SMCO4: variants seen among roughly 807,000 people sequenced by gnomAD.
SMCO4 encodes the protein single-pass membrane protein with coiled-coil domains 4, also known as single-pass membrane and coiled-coil domain-containing protein 4.
SMCO4 carries 4 observed loss-of-function variants against 3.6 expected under a neutral mutation model. That is an observed-to-expected ratio of 1.11 (90% CI 0.54 to 2.53). The LOEUF (loss-of-function observed/expected upper bound fraction) is 2.53. Ranked by LOEUF, SMCO4 falls within the 30% of genes most tolerant of loss-of-function variation. The pLI is 0.02. For synonymous variants in SMCO4, 36 were observed against 35.3 expected (o/e 1.02, Z -0.07); for missense variants, 70 against 80.8 (o/e 0.87, Z 0.51).
rs1948553456 is a variant in SMCO4, at chr11:93,478,939, C to G, written c.*71G>C. The G allele has an allele frequency of 6.6e-7, 1 of 1,521,426 alleles. No homozygotes were observed. Among genetic ancestry groups the G allele is most frequent in the African/African-American group, 1.4e-5 (1 of 72,886 alleles). The allele number at this position is 1,521,426 out of a possible 1,614,324, so 94.2% of individuals were successfully genotyped here. A position where few individuals can be genotyped will look rare whatever the true frequency, so the allele number is the denominator to read the frequency against. On this transcript the variant is annotated 3_prime_UTR_variant, in exon 3 of 3. Transcript: ENST00000298966. ...ACATGAACATCTCTGAATATGAAAG[C>G]CATTTTTTGTTTGCGTCCCCCTCCC...
upstream of SMCO4, among the ~76,000 whole-genome samples, chr11:93,545,968 TGCA>T (rs777676436): frequency 5.3e-5 from 8 of 152,226 alleles, no homozygotes; most frequent in Non-Finnish European, 7.3e-5. Flanking sequence ...GTCCCAGCTA[TGCA>T]GCCCACCAGC....
intron 2 of SMCO4, among the ~76,000 whole-genome samples, chr11:93,487,877 T>C (rs1948669306): frequency 6.6e-6 from 1 of 152,092 alleles, no homozygotes. Context: ...AATTACTATG[T>C]TGTCAAACAA....
intron 2 of SMCO4, among the ~76,000 whole-genome samples, chr11:93,482,580 T>C (rs1237850978): frequency 6.6e-6 from 1 of 152,128 alleles, no homozygotes; most frequent in Non-Finnish European, 1.5e-5. Context: ...AAGCATGGGG[T>C]ACTCAGAGAA....
intron 2 of SMCO4, among the ~76,000 whole-genome samples, chr11:93,491,327 G>C (rs1948715768): frequency 6.6e-6 from 1 of 152,256 alleles, no homozygotes; most frequent in African/African-American, 2.4e-5. Context: ...TGGAGGCCAT[G>C]TTAGGGCATG....
At chr11:93,535,555 T>C in intron 1 of SMCO4, 1 of 1,470,508 alleles carries the variant, frequency 6.8e-7, no homozygotes, top group Non-Finnish European at 9.5e-7. Context: ...TCATATCACC[T>C]TGAAGAAGTA....
chr11:93,481,270 G>A (rs1314471990), intron 2 of SMCO4, among the ~76,000 whole-genome samples: 1 of 152,252 alleles, frequency 6.6e-6, no homozygotes, highest in Non-Finnish European at 1.5e-5. Context: ...AAGGATGACT[G>A]TGAGAATCTG....
At chr11:93,502,895 C>A (rs1357770334) in intron 1 of SMCO4, among the ~76,000 whole-genome samples, 1 of 152,226 alleles carries the variant, frequency 6.6e-6, no homozygotes, top group East Asian at 1.9e-4. Flanking sequence ...ACTCCTTACA[C>A]AGGCCAGCCA....
chr11:93,500,053 C>T (rs1265189725), intron 1 of SMCO4, among the ~76,000 whole-genome samples: 1 of 152,144 alleles, frequency 6.6e-6, no homozygotes, highest in Non-Finnish European at 1.5e-5. Flanking sequence ...TGGGAGACTC[C>T]AAAAAGTGTC....
chr11:93,488,592 C>G (rs1948677591), intron 2 of SMCO4, among the ~76,000 whole-genome samples: 1 of 151,964 alleles, frequency 6.6e-6, no homozygotes. Context: ...GCCTGCGCAA[C>G]TGGAAGAATG....
At chr11:93,534,640 C>T (rs1403986931) in intron 1 of SMCO4, among the ~76,000 whole-genome samples, 2 of 152,194 alleles carry the variant, frequency 1.3e-5, no homozygotes, top group African/African-American at 4.8e-5. Context: ...CAGTGTGGCT[C>T]AACTCTGCAG....
At chr11:93,528,344 T>C (rs1949130893) in intron 1 of SMCO4, among the ~76,000 whole-genome samples, 1 of 152,208 alleles carries the variant, frequency 6.6e-6, no homozygotes, top group Non-Finnish European at 1.5e-5. Context: ...TAAAAAGTTG[T>C]GTGAAACTTG....
intron 2 of SMCO4, among the ~76,000 whole-genome samples, chr11:93,486,307 C>A (rs1294292146): frequency 6.6e-6 from 1 of 152,200 alleles, no homozygotes. Context: ...CCACCCCAAG[C>A]AGCTGCTTCC....
chr11:93,478,749 A>G lies in SMCO4; in HGVS notation c.*261T>C, dbSNP rs1284795636. The G allele has an allele frequency of 3.2e-6, 2 of 633,012 alleles. No homozygotes were observed. Among genetic ancestry groups the G allele is most frequent in the African/African-American group, 2.3e-5 (1 of 44,080 alleles). 39.2% of individuals were successfully genotyped at this position (633,012 alleles called of 1,614,324 possible). A position where few individuals can be genotyped will look rare whatever the true frequency, so the allele number is the denominator to read the frequency against. On this transcript the variant is annotated 3_prime_UTR_variant, in exon 3 of 3. Coordinates refer to ENST00000298966, the MANE Select transcript of SMCO4 (RefSeq NM_020179.3). ...CACACACACACACACACACACACAC[A>G]CACATGCGCGCGCGCTTTGAAGTCT... is the stretch of plus-strand genomic sequence containing the variant.
At chr11:93,516,993 T>A (rs1270141446) in intron 1 of SMCO4, among the ~76,000 whole-genome samples, 1 of 152,088 alleles carries the variant, frequency 6.6e-6, no homozygotes, top group Non-Finnish European at 1.5e-5. Flanking sequence ...TGGGAGCCTC[T>A]CCTTAGATCC....
chr11:93,541,266 C>T (rs1025576907), intron 1 of SMCO4, among the ~76,000 whole-genome samples: 10 of 152,094 alleles, frequency 6.6e-5, no homozygotes, highest in Admixed American at 2.6e-4. Context: ...GGGACAGGAG[C>T]GGGGTGGAGG....
At chr11:93,546,577 TG>T (rs1388951577), upstream of SMCO4, among the ~76,000 whole-genome samples, 1 of 152,154 alleles carries the variant, frequency 6.6e-6, no homozygotes, top group Admixed American at 6.5e-5. Flanking sequence ...ATGAGAAAAC[TG>T]GGGCTAAGAG....
intron 2 of SMCO4, among the ~76,000 whole-genome samples, chr11:93,493,060 A>T (rs954146342): frequency 6.6e-6 from 1 of 152,226 alleles, no homozygotes; most frequent in Non-Finnish European, 1.5e-5. Context: ...TCATTAACAA[A>T]GTGATAAATA....
intron 1 of SMCO4, among the ~76,000 whole-genome samples, chr11:93,538,201 G>A (rs752912468): frequency 6.6e-5 from 10 of 152,156 alleles, no homozygotes; most frequent in South Asian, 2.1e-4. Flanking sequence ...ATGGCTTGGC[G>A]CCCCGCAGAG....
intron 1 of SMCO4, among the ~76,000 whole-genome samples, chr11:93,516,011 T>C (rs938078934): frequency 6.6e-6 from 1 of 152,218 alleles, no homozygotes; most frequent in Non-Finnish European, 1.5e-5. Context: ...GGAGGCTGCT[T>C]CACATTCATT....
Sources: gnomAD v4.1 joint callset for allele counts (sites outside exome capture counted in the v4.1 genomes callset) on GRCh38, gnomAD v4.1.1 for gene constraint, MANE v1.5 for transcripts, NCBI Gene and HGNC (gene_info 2026-07-23, HGNC 2026-07-21) for gene names.